The following NPNT variants were observed in gnomAD, a reference collection of about 807,000 sequenced individuals.
NPNT encodes preosteoblast EGF-like repeat protein with MAM domain.
NPNT carries 45 observed loss-of-function variants against 68.6 expected under a neutral mutation model. The ratio of observed to expected loss-of-function variants is 0.66; its 90% CI spans 0.52 to 0.84. NPNT has a LOEUF of 0.84. NPNT is among the 40% of genes least tolerant of loss of function. NPNT has a pLI of 0.00. For missense variants in NPNT, 672 were observed against 714.8 expected (o/e 0.94, Z 0.68); for synonymous variants, 233 against 253.3 (o/e 0.92, Z 0.76).
At position 105,967,192 on chromosome 4, in the gene NPNT, A is replaced by T. The variant is rs1732218537; in HGVS notation, c.1350A>T (p.Gly450=). 9 of 1,613,426 alleles carry T rather than the reference A, an allele frequency of 5.6e-6. No individual in the cohort carries two copies. The highest frequency in any genetic ancestry group is 7.6e-6 in the Non-Finnish European group (9 of 1,179,958). ...HWEPIRDPAG[G]QYLTVSAAKA... ...GCCCTGCTTTTCCCATTCCAGGTGGACAATATCTGACAGTGTCGGCAGCCA... is the reference window on the plus strand; with the variant it reads ...GCCCTGCTTTTCCCATTCCAGGTGGTCAATATCTGACAGTGTCGGCAGCCA... Residue 450 remains glycine (G), a synonymous_variant, in exon 11 of 12, where the codon GGA becomes GGT. Coordinates refer to ENST00000379987, the MANE Select transcript of NPNT (RefSeq NM_001033047.3).
intron 2 of NPNT, among the ~76,000 whole-genome samples, chr4:105,901,890 T>C (rs969547897): frequency 6.6e-5 from 10 of 152,228 alleles, no homozygotes; most frequent in African/African-American, 2.2e-4. Flanking sequence ...TAATTTTAGT[T>C]GGATAATATA....
chr4:105,896,530 A>G (rs1338021284), intron 1 of NPNT, among the ~76,000 whole-genome samples: 1 of 152,122 alleles, frequency 6.6e-6, no homozygotes, highest in Non-Finnish European at 1.5e-5. Flanking sequence ...ATTACAGACT[A>G]GGCTCGTCCC....
At chr4:105,903,414 G>A (rs1243126784) in intron 2 of NPNT, among the ~76,000 whole-genome samples, 1 of 152,182 alleles carries the variant, frequency 6.6e-6, no homozygotes, top group Non-Finnish European at 1.5e-5. Context: ...GGAAGGGCAA[G>A]GGAGAGGGAT....
chr4:105,961,345 G>C lies in NPNT; in HGVS notation c.1345+2219G>C, dbSNP rs550551779. On this transcript the variant is annotated intron_variant, in intron 10 of 11. Transcript: ENST00000379987. ...ACTGACCACTGACCTGGAGTAGTTT[G>C]CTACAGAAGGAGGGATCTTTGGCAG... Among the ~76,000 whole-genome samples the C allele has an allele frequency of 1.2e-3, 190 of 152,306 alleles. 1 individual carries two copies. The highest frequency in any genetic ancestry group is 6.0e-3 in the South Asian group (29 of 4,828).
chr4:105,925,151 A>G (rs775728342), intron 2 of NPNT, among the ~76,000 whole-genome samples: 34 of 152,140 alleles, frequency 2.2e-4, no homozygotes, highest in Non-Finnish European at 4.3e-4. Context: ...ACAGTTGGCT[A>G]AAGAGTAATA....
chr4:105,946,888 A>T (rs999340699), intron 8 of NPNT, among the ~76,000 whole-genome samples: 3 of 152,134 alleles, frequency 2.0e-5, no homozygotes, highest in Non-Finnish European at 4.4e-5. Flanking sequence ...GAGAGCAGAG[A>T]ACTGGTCTGA....
chr4:105,946,501 C>T (rs4074792), intron 8 of NPNT, among the ~76,000 whole-genome samples: 4 of 152,046 alleles, frequency 2.6e-5, no homozygotes, highest in African/African-American at 9.7e-5. Context: ...CATAAGTGTC[C>T]GCTGGCTGAG....
chr4:105,932,824 A>G (rs1729221545), intron 3 of NPNT: 1 of 633,624 alleles, frequency 1.6e-6, no homozygotes, highest in Non-Finnish European at 2.7e-6. Flanking sequence ...AGCCCTGAGC[A>G]TGAGCAAGCA....
chr4:105,896,430 C>T (rs1725851962), intron 1 of NPNT, among the ~76,000 whole-genome samples: 2 of 152,034 alleles, frequency 1.3e-5, no homozygotes, highest in African/African-American at 2.4e-5. Context: ...TGTCACTCAG[C>T]CGGTCCTCCC....
At chr4:105,914,419 TAA>T (rs1491417190) in intron 2 of NPNT, among the ~76,000 whole-genome samples, 6 of 137,482 alleles carry the variant, frequency 4.4e-5, no homozygotes, top group Non-Finnish European at 7.7e-5. Context: ...TTATATATTA[TAA>T]TATATATATT....
chr4:105,944,120 T>A (rs894297554), intron 8 of NPNT, among the ~76,000 whole-genome samples: 2 of 152,242 alleles, frequency 1.3e-5, no homozygotes, highest in African/African-American at 4.8e-5. Context: ...TAGTCATGTA[T>A]GTTTTGGATA....
intron 10 of NPNT, among the ~76,000 whole-genome samples, chr4:105,964,976 A>G (rs890605842): frequency 6.6e-6 from 1 of 152,224 alleles, no homozygotes; most frequent in Middle Eastern, 3.2e-3. Context: ...GTTCATATTC[A>G]TGTGCATTTA....
At chr4:105,923,512 T>A (rs190533458) in intron 2 of NPNT, among the ~76,000 whole-genome samples, 1 of 152,280 alleles carries the variant, frequency 6.6e-6, no homozygotes, top group East Asian at 1.9e-4. Flanking sequence ...TCAGGAATTG[T>A]ATTTAGCTAC....
intron 2 of NPNT, chr4:105,912,079 T>C: frequency 1.4e-6 from 1 of 739,302 alleles, no homozygotes; most frequent in Non-Finnish European, 2.3e-6. Context: ...GCACTGAAAG[T>C]TGAATATGTG....
chr4:105,905,953 ATAAAT>A (rs1726857628), intron 2 of NPNT, among the ~76,000 whole-genome samples: 2 of 152,346 alleles, frequency 1.3e-5, no homozygotes, highest in South Asian at 2.1e-4. Flanking sequence ...ACCTTAAAAG[ATAAAT>A]TAAATTGATT....
At chr4:105,938,194 A>T in intron 4 of NPNT, 107 bp from the exon 5 acceptor site, 8 of 1,039,552 alleles carry the variant, frequency 7.7e-6, no homozygotes, top group South Asian at 1.7e-5. Flanking sequence ...CTTTGTCTTC[A>T]TTGTTGTTCA....
intron 2 of NPNT, among the ~76,000 whole-genome samples, chr4:105,917,270 T>C (rs77741847): frequency 0.02 from 3,105 of 152,302 alleles, 103 homozygotes; most frequent in African/African-American, 0.072. Flanking sequence ...GCTTTTCTTA[T>C]GCTGCTCAGT....
At chr4:105,962,153 T>A (rs1426177138) in intron 10 of NPNT, among the ~76,000 whole-genome samples, 2 of 152,326 alleles carry the variant, frequency 1.3e-5, no homozygotes, top group African/African-American at 4.8e-5. Flanking sequence ...TATAGAAATA[T>A]GCTATGTTTC....
Position 105,895,541 on chromosome 4 carries a change from C to G in NPNT, c.-112C>G. 2 of 855,018 alleles carry G rather than the reference C, an allele frequency of 2.3e-6. No homozygotes were observed. The highest frequency in any genetic ancestry group is 3.6e-6 in the Non-Finnish European group (2 of 560,148). 53.0% of individuals were successfully genotyped at this position (855,018 alleles called of 1,614,324 possible). ...GGAGCGGCAGCAGTAGCCCGGGCGG[C>G]GAGGGCTGGGGGTTCCTCGAGACTC... is the stretch of plus-strand genomic sequence containing the variant. On this transcript the variant is annotated 5_prime_UTR_variant, in exon 1 of 12. Coordinates refer to ENST00000379987, the MANE Select transcript of NPNT (RefSeq NM_001033047.3).
Sources: allele counts gnomAD v4.1 joint callset (sites outside exome capture counted in the v4.1 genomes callset), GRCh38; gene constraint gnomAD v4.1.1; transcripts MANE v1.5; gene names NCBI Gene and HGNC (gene_info 2026-07-23, HGNC 2026-07-21).